The following ERBB4 variants were observed in gnomAD, a reference collection of about 807,000 sequenced individuals.
ERBB4 encodes the protein receptor tyrosine-protein kinase erbB-4.
A neutral mutation model predicts 158.0 loss-of-function variants in ERBB4; 42 were observed. That is an observed-to-expected ratio of 0.27 (90% CI 0.21 to 0.34). The LOEUF (loss-of-function observed/expected upper bound fraction) is 0.34. ERBB4 is among the 10% of genes least tolerant of loss of function. The pLI is 1.00. For synonymous variants in ERBB4, 583 were observed against 558.7 expected, an observed-to-expected ratio of 1.04 and a Z score of -0.61; for missense variants, 1,333 against 1,624.1, an observed-to-expected ratio of 0.82 and a Z score of 3.08.
chr2:211,536,924 AAAAAC>A lies in ERBB4; in HGVS notation c.2487+24974_2487+24978del, dbSNP rs572841200. Among the ~76,000 whole-genome samples the A allele has an allele frequency of 3.1e-3, 468 of 151,986 alleles. 2 individuals are homozygous for A. The highest frequency in any genetic ancestry group is 0.01 in the African/African-American group (433 of 41,470). On this transcript the variant is annotated intron_variant, in intron 20 of 27. Coordinates refer to ENST00000342788, the MANE Select transcript of ERBB4 (RefSeq NM_005235.3). ...CCCAACCTAGTAAGGTAGAGCAGGA[AAAAAC>A]AAAACAAAACAAAACAAAAAAAAAC... is the stretch of plus-strand genomic sequence containing the variant.
At chr2:212,244,707 A>G (rs908149485) in intron 1 of ERBB4, among the ~76,000 whole-genome samples, 21 of 152,138 alleles carry the variant, frequency 1.4e-4, no homozygotes, top group African/African-American at 5.1e-4. Context: ...CAAAGAAAAT[A>G]TCTTTTCAGA....
chr2:212,205,626 A>C (rs1037906979), intron 1 of ERBB4, among the ~76,000 whole-genome samples: 9 of 152,076 alleles, frequency 5.9e-5, no homozygotes, highest in African/African-American at 1.9e-4. Context: ...CTACAAACTG[A>C]CTCCATTCAA....
intron 1 of ERBB4, among the ~76,000 whole-genome samples, chr2:212,303,400 T>C (rs991111469): frequency 2.6e-5 from 4 of 151,370 alleles, no homozygotes; most frequent in African/African-American, 9.7e-5. Context: ...AAGACATTTA[T>C]TACTTTCTAA....
chr2:211,715,186 G>A (rs756152736), intron 7 of ERBB4, among the ~76,000 whole-genome samples: 1 of 152,192 alleles, frequency 6.6e-6, no homozygotes, highest in Non-Finnish European at 1.5e-5. Context: ...AGCTTGTCCT[G>A]AGAGAAGAAA....
intron 2 of ERBB4, among the ~76,000 whole-genome samples, chr2:212,073,000 C>T (rs1260690538): frequency 6.6e-6 from 1 of 152,020 alleles, no homozygotes; most frequent in Admixed American, 6.6e-5. Context: ...CTTGAGAAAA[C>T]AGTGCCTGAA....
At chr2:211,478,044 C>T (rs1336727507) in intron 20 of ERBB4, among the ~76,000 whole-genome samples, 1 of 152,134 alleles carries the variant, frequency 6.6e-6, no homozygotes, top group Non-Finnish European at 1.5e-5. Flanking sequence ...GAATTCTTGG[C>T]ATTCAAGGCC....
In ERBB4 at chr2:212,194,885, A is replaced by G. The variant is rs547945663; in HGVS notation, c.83-69982T>C. On this transcript the variant is annotated intron_variant, in intron 1 of 27. Coordinates refer to ENST00000342788, the MANE Select transcript of ERBB4 (RefSeq NM_005235.3). The stretch of plus-strand genomic sequence containing the variant: ...AAGTTTTGGGGTTGTAGCCTCAGAA[A>G]GGCTCTAAATTCTTAATGTTGATAA... 1.2e-4 allele frequency among the ~76,000 whole-genome samples: 19 copies of G among 152,124 alleles called. No homozygotes were observed. In the South Asian group the frequency reaches 1.7e-3, roughly 13 times the overall value.
chr2:211,765,955 T>C (rs2075540794), intron 4 of ERBB4, among the ~76,000 whole-genome samples: 1 of 152,226 alleles, frequency 6.6e-6, no homozygotes, highest in Non-Finnish European at 1.5e-5. Context: ...TCAACATTTT[T>C]GTTTAATGAA....
In ERBB4 at chr2:211,854,931, G is replaced by T. The variant is rs536981241; in HGVS notation, c.422-66772C>A. On this transcript the variant is annotated intron_variant, in intron 3 of 27. Transcript: ENST00000342788. ...GCATATTATACCTTTAGCCGCTATT[G>T]CTACGCAGTTTCCCAAAGTGGATGT... Among the ~76,000 whole-genome samples, 172 of 152,134 alleles carry T rather than the reference G, an allele frequency of 1.1e-3. 1 individual carries two copies. The highest frequency in any genetic ancestry group is 3.8e-3 in the African/African-American group (156 of 41,518).
intron 1 of ERBB4, among the ~76,000 whole-genome samples, chr2:212,150,707 C>T (rs192422056): frequency 5.3e-5 from 8 of 152,242 alleles, no homozygotes; most frequent in African/African-American, 1.7e-4. Flanking sequence ...TCTTCTTGTG[C>T]TTGGTTTGGC....
intron 1 of ERBB4, among the ~76,000 whole-genome samples, chr2:212,174,107 A>T (rs960594570): frequency 6.6e-6 from 1 of 152,134 alleles, no homozygotes; most frequent in African/African-American, 2.4e-5. Flanking sequence ...ACATATAAAA[A>T]TTAGAGGGAG....
chr2:212,091,421 T>G (rs897371901), intron 2 of ERBB4, among the ~76,000 whole-genome samples: 1 of 152,172 alleles, frequency 6.6e-6, no homozygotes, highest in Non-Finnish European at 1.5e-5. Context: ...CTTCACTGAC[T>G]TTTCCTTAAA....
intron 20 of ERBB4, among the ~76,000 whole-genome samples, chr2:211,513,480 C>A (rs2065940849): frequency 6.7e-6 from 1 of 150,196 alleles, no homozygotes. Flanking sequence ...TTTAAGAATT[C>A]TTTCCCCTCT....
At chr2:211,561,785 C>G in intron 20 of ERBB4, 118 bp downstream of exon 20, 1 of 913,184 alleles carries the variant, frequency 1.1e-6, no homozygotes. Context: ...TTCATTGCAG[C>G]AAATATACTT....
intron 19 of ERBB4, among the ~76,000 whole-genome samples, chr2:211,607,101 G>A (rs1275609227): frequency 6.6e-6 from 1 of 151,986 alleles, no homozygotes; most frequent in Non-Finnish European, 1.5e-5. Context: ...ATAGAGCTGA[G>A]GTCAAGTGGG....
chr2:212,538,692 C>T lies in ERBB4; in HGVS notation c.-162G>A, dbSNP rs1158297671. 2.0e-6 allele frequency: 1 copy of T among 499,590 alleles called. No individual in the cohort carries two copies. Among genetic ancestry groups the T allele is most frequent in the Non-Finnish European group, 3.3e-6 (1 of 302,376 alleles). The allele number at this position is 499,590 out of a possible 1,614,324, so 30.9% of individuals were successfully genotyped here. ...CGACTCCCAGGGCGGGCGACCGAGT[C>T]CGCGCCCGCGGGTCCAGGGCCGGGG... On this transcript the variant is annotated 5_prime_UTR_variant, in exon 1 of 28. Coordinates refer to ENST00000342788, the MANE Select transcript of ERBB4 (RefSeq NM_005235.3).
At chr2:212,183,067 T>G (rs556691699) in intron 1 of ERBB4, among the ~76,000 whole-genome samples, 1 of 151,914 alleles carries the variant, frequency 6.6e-6, no homozygotes, top group Admixed American at 6.6e-5. Context: ...GCTATAAAAT[T>G]TAAATAATTA....
chr2:212,358,225 C>T (rs1389279254), intron 1 of ERBB4, among the ~76,000 whole-genome samples: 1 of 151,778 alleles, frequency 6.6e-6, no homozygotes, highest in Non-Finnish European at 1.5e-5. Context: ...GTGACCTGTG[C>T]TGATAATATC....
At chr2:212,525,907 G>A (rs1218540112) in intron 1 of ERBB4, among the ~76,000 whole-genome samples, 1 of 151,922 alleles carries the variant, frequency 6.6e-6, no homozygotes. Context: ...CTCACAAGTA[G>A]TAAAACTCTT....
Sources: gnomAD v4.1 joint callset for allele counts (sites outside exome capture counted in the v4.1 genomes callset) on GRCh38, gnomAD v4.1.1 for gene constraint, MANE v1.5 for transcripts, NCBI Gene and HGNC (gene_info 2026-07-23, HGNC 2026-07-21) for gene names.